ARHGAP12: variants seen among roughly 807,000 people sequenced by gnomAD.
The protein encoded by ARHGAP12 is Rho GTPase activating protein 12, also known as rho GTPase-activating protein 12.
In ARHGAP12, 64 loss-of-function variants were observed where a neutral mutation model predicts 108.6. That is an observed-to-expected ratio of 0.59 (90% CI 0.48 to 0.73). ARHGAP12 has a LOEUF of 0.73. ARHGAP12 is among the 30% of genes least tolerant of loss of function. The probability of loss-of-function intolerance (pLI) is 0.00; values close to 1 mark genes in which losing one functional copy is unlikely to be tolerated. For synonymous variants in ARHGAP12, 312 were observed against 337.2 expected (o/e 0.93, Z 0.82); for missense variants, 940 against 1,005.9 (o/e 0.93, Z 0.89).
At chr10:31,861,780 A>G in intron 3 of ARHGAP12, 122 bp from the exon 4 acceptor site, 1 of 875,098 alleles carries the variant, frequency 1.1e-6, no homozygotes, top group Non-Finnish European at 1.7e-6. Context: ...ACAGGTGAAT[A>G]TATTCTGAGG....
chr10:31,897,275 G>A (rs1324504145), intron 3 of ARHGAP12, among the ~76,000 whole-genome samples: 1 of 152,126 alleles, frequency 6.6e-6, no homozygotes, highest in African/African-American at 2.4e-5. Flanking sequence ...TGAGGAAAGG[G>A]CACTTCCCAG....
chr10:31,914,121 G>GT (rs1564431750), intron 1 of ARHGAP12, among the ~76,000 whole-genome samples: 1 of 152,116 alleles, frequency 6.6e-6, no homozygotes, highest in East Asian at 1.9e-4. Context: ...AGCTGCAGTT[G>GT]TTTGTTAAAA....
At chr10:31,807,936 A>G (rs1009535718) in intron 19 of ARHGAP12, 104 bp from the exon 20 acceptor site, 6 of 864,798 alleles carry the variant, frequency 6.9e-6, no homozygotes, top group Non-Finnish European at 8.2e-6. Flanking sequence ...AAGAGAAGTA[A>G]TACTTATTTT....
At chr10:31,837,331 C>T (rs1046705459) in intron 9 of ARHGAP12, among the ~76,000 whole-genome samples, 8 of 152,130 alleles carry the variant, frequency 5.3e-5, no homozygotes, top group African/African-American at 1.7e-4. Context: ...TCACTTTTAT[C>T]GTTATGTAAT....
intron 3 of ARHGAP12, among the ~76,000 whole-genome samples, chr10:31,877,859 A>C (rs1177755536): frequency 6.6e-6 from 1 of 152,230 alleles, no homozygotes; most frequent in Admixed American, 6.5e-5. Context: ...TGGGAAGTCA[A>C]GGCGGGCACA....
intron 13 of ARHGAP12, among the ~76,000 whole-genome samples, chr10:31,816,443 T>C (rs149761559): frequency 3.3e-5 from 5 of 152,290 alleles, no homozygotes; most frequent in African/African-American, 2.4e-5. Flanking sequence ...TCTGTGGCTA[T>C]AATCTCAGTC....
intron 3 of ARHGAP12, among the ~76,000 whole-genome samples, chr10:31,888,673 A>G (rs1838277659): frequency 6.6e-6 from 1 of 152,216 alleles, no homozygotes; most frequent in African/African-American, 2.4e-5. Context: ...AGCTAGTCAT[A>G]GCTGGGTTTC....
rs530753883 is a variant in ARHGAP12 at position 31,921,493 on chromosome 10, C to T, written c.-111+7190G>A. On this transcript the variant is annotated intron_variant, in intron 1 of 19. Transcript: ENST00000344936. ...ATCCAAAGTTTGTAGAGGTCGGGCG[C>T]GGTAGCTCATGCCTGTAATCCCAGC... is the stretch of plus-strand genomic sequence containing the variant. Among the ~76,000 whole-genome samples, 14 of 151,862 alleles carry T rather than the reference C, an allele frequency of 9.2e-5. No individual in the cohort carries two copies. The East Asian group carries it at 2.5e-3, about 27-fold the overall frequency.
At chr10:31,829,394 AGATCTGTT>A (rs1835746925) in intron 10 of ARHGAP12, among the ~76,000 whole-genome samples, 1 of 152,188 alleles carries the variant, frequency 6.6e-6, no homozygotes, top group African/African-American at 2.4e-5. Flanking sequence ...AAGGTTTTAG[AGATCTGTT>A]GCACAACAAT....
At chr10:31,811,337 T>C (rs1175276841) in intron 15 of ARHGAP12, among the ~76,000 whole-genome samples, 2 of 152,208 alleles carry the variant, frequency 1.3e-5, no homozygotes, top group Non-Finnish European at 2.9e-5. Context: ...CGTACCAACA[T>C]TTGATTTCAC....
intron 14 of ARHGAP12, among the ~76,000 whole-genome samples, chr10:31,813,658 A>C (rs1434519836): frequency 6.6e-6 from 1 of 152,144 alleles, no homozygotes; most frequent in Non-Finnish European, 1.5e-5. Context: ...GGATTTGTTA[A>C]AATAGACTGA....
chr10:31,908,943 G>T lies in ARHGAP12; in HGVS notation c.-71-17C>A. ...TGAATATAGCTGTTTTATTTAAATG[G>T]AGAAAGAGAATGAAGAAAAAAGTTA... On this transcript the variant is annotated splice_polypyrimidine_tract_variant and intron_variant, in intron 2 of 19. Coordinates refer to ENST00000344936, the MANE Select transcript of ARHGAP12 (RefSeq NM_018287.7). The T allele has an allele frequency of 7.8e-7, 1 of 1,275,658 alleles. No individual in the cohort carries two copies. The highest frequency in any genetic ancestry group is 1.1e-6 in the Non-Finnish European group (1 of 931,758). The allele number at this position is 1,275,658 out of a possible 1,614,324, so 79.0% of individuals were successfully genotyped here. A position where few individuals can be genotyped will look rare whatever the true frequency, so the allele number is the denominator to read the frequency against.
intron 1 of ARHGAP12, among the ~76,000 whole-genome samples, chr10:31,919,233 AG>A (rs1839690081): frequency 6.6e-6 from 1 of 152,232 alleles, no homozygotes; most frequent in Non-Finnish European, 1.5e-5. Flanking sequence ...AGACAGCAAC[AG>A]GAAGTTACTG....
chr10:31,818,663 C>T (rs1835297471), intron 12 of ARHGAP12, among the ~76,000 whole-genome samples: 1 of 152,054 alleles, frequency 6.6e-6, no homozygotes, highest in African/African-American at 2.4e-5. Context: ...AACATAGTTT[C>T]ACAAATAATG....
In ARHGAP12 at chr10:31,839,286, G is replaced by A; in HGVS notation, c.1386+19C>T. 5.6e-6 allele frequency: 9 copies of A among 1,606,512 alleles called. No homozygotes were observed. Among genetic ancestry groups the A allele is most frequent in the Non-Finnish European group, 7.7e-6 (9 of 1,174,268 alleles). On this transcript the variant is annotated intron_variant, in intron 9 of 19. Transcript: ENST00000344936. Reference sequence around the variant, plus strand: ...TGAAGGTGTCTATGCCTATTAAGAAGGAGAGGATTGCTTCTTACCTTTGGA... The same window carrying A: ...TGAAGGTGTCTATGCCTATTAAGAAAGAGAGGATTGCTTCTTACCTTTGGA...
intron 15 of ARHGAP12, 28 bp downstream of exon 15, chr10:31,812,676 CATT>C: frequency 7.5e-7 from 1 of 1,335,600 alleles, no homozygotes. Flanking sequence ...GGCCAACATT[CATT>C]ATTATCAACA....
intron 3 of ARHGAP12, among the ~76,000 whole-genome samples, chr10:31,887,937 G>A (rs1033046164): frequency 2.6e-5 from 4 of 152,112 alleles, no homozygotes; most frequent in South Asian, 2.1e-4. Flanking sequence ...GATTACAGGC[G>A]TGAGTCACCG....
chr10:31,914,781 A>G (rs998539627), intron 1 of ARHGAP12, among the ~76,000 whole-genome samples: 9 of 152,234 alleles, frequency 5.9e-5, no homozygotes, highest in African/African-American at 2.2e-4. Context: ...CACCAATTCC[A>G]CTACTGGGCA....
intron 1 of ARHGAP12, among the ~76,000 whole-genome samples, chr10:31,918,531 C>T (rs918513857): frequency 1.6e-4 from 25 of 152,114 alleles, no homozygotes; most frequent in African/African-American, 4.1e-4. Context: ...AACGAGGCCC[C>T]GTCTCTACAA....
Sources: allele counts gnomAD v4.1 joint callset (sites outside exome capture counted in the v4.1 genomes callset), GRCh38; gene constraint gnomAD v4.1.1; transcripts MANE v1.5; gene names NCBI Gene and HGNC (gene_info 2026-07-23, HGNC 2026-07-21).